TM7SF3: variants seen among roughly 807,000 people sequenced by gnomAD.
TM7SF3 encodes the protein seven span transmembrane protein.
In TM7SF3, 60 loss-of-function variants were observed where a neutral mutation model predicts 65.5. That is an observed-to-expected ratio of 0.92 (90% CI 0.74 to 1.14). The LOEUF is 1.14. Ranked by LOEUF, TM7SF3 falls within the 50% of genes most tolerant of loss-of-function variation. TM7SF3 has a pLI of 0.00. For synonymous variants in TM7SF3, 264 were observed against 259.6 expected (o/e 1.02, Z -0.16); for missense variants, 623 against 684.8 (o/e 0.91, Z 1.01).
At chr12:26,998,779 G>A (rs1266445644) in intron 3 of TM7SF3, among the ~76,000 whole-genome samples, 2 of 152,070 alleles carry the variant, frequency 1.3e-5, no homozygotes, top group Non-Finnish European at 2.9e-5. Flanking sequence ...GAGATGAAAT[G>A]GACTACACCA....
At chr12:26,988,287 C>T (rs1940187746) in intron 6 of TM7SF3, among the ~76,000 whole-genome samples, 1 of 152,078 alleles carries the variant, frequency 6.6e-6, no homozygotes, top group Non-Finnish European at 1.5e-5. Flanking sequence ...CCTTAGACTA[C>T]CAAGTAGCTG....
At chr12:27,003,813 G>A (rs1049411013) in intron 1 of TM7SF3, among the ~76,000 whole-genome samples, 9 of 152,182 alleles carry the variant, frequency 5.9e-5, no homozygotes, top group South Asian at 2.1e-4. Flanking sequence ...AGCGTAGCCC[G>A]AAGAGACACA....
intron 4 of TM7SF3, 95 bp downstream of exon 4, chr12:26,996,647 C>T: frequency 7.6e-7 from 1 of 1,313,252 alleles, no homozygotes. Context: ...AATTTTACTA[C>T]AGAGAATTAG....
chr12:26,982,937 T>C lies in TM7SF3; in HGVS notation c.869-78A>G, dbSNP rs1318257426. The C allele has an allele frequency of 2.9e-6, 3 of 1,028,498 alleles. No individual in the cohort carries two copies. The African/African-American group carries it at 4.9e-5, about 17-fold the overall frequency. 63.7% of individuals were successfully genotyped at this position (1,028,498 alleles called of 1,614,324 possible). On this transcript the variant is annotated intron_variant, in intron 6 of 11. Transcript: ENST00000343028. Reference sequence around the variant, plus strand: ...TTAATATTTATAGAACGAACCTTCATCAAAAAAGCTAAGTGAACTGACATA... The same window carrying C: ...TTAATATTTATAGAACGAACCTTCACCAAAAAAGCTAAGTGAACTGACATA...
At chr12:26,980,690 A>C in intron 7 of TM7SF3, 44 bp from the exon 8 acceptor site, 2 of 1,036,528 alleles carry the variant, frequency 1.9e-6, no homozygotes, top group Non-Finnish European at 2.9e-6. Context: ...AAAACAACAA[A>C]AGCTATGGTT....
intron 1 of TM7SF3, chr12:27,012,617 A>G: frequency 8.8e-6 from 4 of 456,028 alleles, no homozygotes; most frequent in Non-Finnish European, 1.8e-5. Context: ...TATATTAACA[A>G]ACCATGAGCT....
intron 1 of TM7SF3, among the ~76,000 whole-genome samples, chr12:27,005,849 G>A (rs1417244211): frequency 1.3e-5 from 2 of 151,430 alleles, no homozygotes; most frequent in Non-Finnish European, 2.9e-5. Context: ...ACACCTAGGT[G>A]GAGTGCAGTG....
chr12:27,006,294 C>T (rs762249725), intron 1 of TM7SF3, among the ~76,000 whole-genome samples: 15 of 151,732 alleles, frequency 9.9e-5, no homozygotes, highest in African/African-American at 1.7e-4. Context: ...TGTGCCACCA[C>T]GCTCGGCTAA....
At chr12:27,013,957 G>C in intron 1 of TM7SF3, 121 bp downstream of exon 1, 1 of 827,808 alleles carries the variant, frequency 1.2e-6, no homozygotes, top group Non-Finnish European at 2.1e-6. Context: ...TCACCACCCA[G>C]CGTGTACCAA....
intron 9 of TM7SF3, 138 bp downstream of exon 9, chr12:26,979,646 T>C: frequency 1.1e-6 from 1 of 896,010 alleles, no homozygotes; most frequent in South Asian, 1.7e-5. Flanking sequence ...TGTCTGAAAG[T>C]GTCACACCAT....
intron 1 of TM7SF3, among the ~76,000 whole-genome samples, chr12:27,010,709 A>C (rs1300633830): frequency 1.3e-5 from 2 of 152,244 alleles, no homozygotes; most frequent in African/African-American, 2.4e-5. Flanking sequence ...GGCTAACATC[A>C]AGTTGGGGCA....
Position 26,982,859 on chromosome 12 carries a change from C to T in TM7SF3, c.869G>A (p.Gly290Glu). 1 of 1,589,418 alleles carries T rather than the reference C, an allele frequency of 6.3e-7. No homozygotes were observed. The highest frequency in any genetic ancestry group is 8.5e-7 in the Non-Finnish European group (1 of 1,170,684). The change falls in exon 7 of 12, where the codon GGA (glycine) becomes GAA (glutamate). Residue 290 changes from glycine to glutamate, a missense_variant and splice_region_variant. By Grantham distance (98) the Gly-to-Glu change is moderately conservative. Coordinates refer to ENST00000343028, the MANE Select transcript of TM7SF3 (RefSeq NM_016551.3). ...GAAGAACACTTTGGAAGACACTCTTCCTAAAAAATAATGAAAATTTAGTGG... is the reference window on the plus strand; with the variant it reads ...GAAGAACACTTTGGAAGACACTCTTTCTAAAAAATAATGAAAATTTAGTGG... ...EAGEGSCASL[G>E]RVSSKVFFTL...
At chr12:27,005,147 G>A (rs1940981588) in intron 1 of TM7SF3, among the ~76,000 whole-genome samples, 1 of 152,092 alleles carries the variant, frequency 6.6e-6, no homozygotes, top group East Asian at 1.9e-4. Flanking sequence ...TGCCCTTCAA[G>A]TTTGGTCCCA....
Position 26,974,192 on chromosome 12 carries a change from C to G in TM7SF3, c.1486G>C (p.Val496Leu). 6.2e-7 allele frequency: 1 copy of G among 1,614,210 alleles called. No individual in the cohort carries two copies. The highest frequency in any genetic ancestry group is 8.5e-7 in the Non-Finnish European group (1 of 1,180,030). ...IILAVWGMLA[V>L]SGITLQIRRE... ...CGAATCTGTAACGTAATTCCACTTA[C>G]AGCCAGCATGCCCCATACTGCCAGG... Residue 496 changes from valine (V) to leucine (L), a missense_variant, in exon 12 of 12, where the codon GTA (valine) becomes CTA (leucine). Transcript: ENST00000343028.
At chr12:26,976,922 T>C (rs750654797) in intron 9 of TM7SF3, among the ~76,000 whole-genome samples, 5 of 152,094 alleles carry the variant, frequency 3.3e-5, no homozygotes, top group Admixed American at 6.6e-5. Context: ...ACCAACCAAC[T>C]ATCTGCTCTT....
At chr12:26,980,048 A>G in intron 8 of TM7SF3, 112 bp from the exon 9 acceptor site, 1 of 1,295,560 alleles carries the variant, frequency 7.7e-7, no homozygotes. Context: ...TAGGTCAGGC[A>G]CTGAGGGCTC....
chr12:27,008,471 T>A (rs564984028), intron 1 of TM7SF3, among the ~76,000 whole-genome samples: 4 of 152,314 alleles, frequency 2.6e-5, no homozygotes, highest in Non-Finnish European at 2.9e-5. Context: ...CTCCCACTCT[T>A]GTTGCTTGTC....
intron 6 of TM7SF3, among the ~76,000 whole-genome samples, chr12:26,987,129 A>G (rs1285966502): frequency 1.3e-5 from 2 of 151,966 alleles, no homozygotes; most frequent in African/African-American, 4.8e-5. Flanking sequence ...TATAGATAAC[A>G]CCATTTAGCA....
intron 1 of TM7SF3, among the ~76,000 whole-genome samples, chr12:27,004,103 C>T (rs1940940452): frequency 6.6e-6 from 1 of 152,182 alleles, no homozygotes. Context: ...ACACCTCCTC[C>T]AGGCCTGTCC....
Sources: gnomAD v4.1 joint callset for allele counts (sites outside exome capture counted in the v4.1 genomes callset) on GRCh38, gnomAD v4.1.1 for gene constraint, MANE v1.5 for transcripts, NCBI Gene and HGNC (gene_info 2026-07-23, HGNC 2026-07-21) for gene names.